Variants in PRKCE observed in about 807,000 individuals in gnomAD.
PRKCE encodes protein kinase C epsilon type.
In PRKCE, 16 loss-of-function variants were observed where a neutral mutation model predicts 85.4. That is an observed-to-expected ratio of 0.19 (90% CI 0.13 to 0.28). The LOEUF is 0.28. Among genes scored for constraint, PRKCE ranks in the 10% least tolerant of loss-of-function variants. PRKCE has a pLI of 1.00. For synonymous variants in PRKCE, 388 were observed against 371.5 expected, an observed-to-expected ratio of 1.04 and a Z score of -0.51; for missense variants, 573 against 975.2, an observed-to-expected ratio of 0.59 and a Z score of 5.49.
chr2:45,872,449 G>C (rs966311544), intron 2 of PRKCE, among the ~76,000 whole-genome samples: 6 of 152,186 alleles, frequency 3.9e-5, no homozygotes, highest in Non-Finnish European at 5.9e-5. Context: ...GTCGTAGGAG[G>C]GCTCTGTGCA....
At chr2:45,952,632 C>A (rs886862561) in intron 2 of PRKCE, among the ~76,000 whole-genome samples, 3 of 152,046 alleles carry the variant, frequency 2.0e-5, no homozygotes, top group African/African-American at 7.2e-5. Context: ...TTAGCATTTC[C>A]AAAAAATGTA....
chr2:45,662,284 A>G (rs544103403), intron 1 of PRKCE, among the ~76,000 whole-genome samples: 2 of 152,198 alleles, frequency 1.3e-5, no homozygotes, highest in Non-Finnish European at 2.9e-5. Flanking sequence ...CGTTGCTCTC[A>G]GAGAGCATAC....
At position 46,184,610 on chromosome 2, in the gene PRKCE, G is replaced by A. The variant is rs1175561530; in HGVS notation, c.2068-125G>A. On this transcript the variant is annotated intron_variant, in intron 14 of 14. Transcript: ENST00000306156. The surrounding 1 kb of genome is among the most constrained non-coding windows in gnomAD (Gnocchi z 5.0). Reference sequence around the variant, plus strand: ...ACCTCATCGGGACAGCCCCGTGTCTGCTGTCTGTTGGTAGCTAGAGGCCTG... The same window carrying A: ...ACCTCATCGGGACAGCCCCGTGTCTACTGTCTGTTGGTAGCTAGAGGCCTG... The A allele has an allele frequency of 1.6e-6, 2 of 1,237,512 alleles. No homozygotes were observed. The highest frequency in any genetic ancestry group is 2.2e-6 in the Non-Finnish European group (2 of 889,552). The allele number at this position is 1,237,512 out of a possible 1,614,324, so 76.7% of individuals were successfully genotyped here.
At chr2:46,173,064 C>A (rs1157717232) in intron 14 of PRKCE, among the ~76,000 whole-genome samples, 1 of 152,224 alleles carries the variant, frequency 6.6e-6, no homozygotes, top group African/African-American at 2.4e-5. Context: ...AACCCTGAAG[C>A]CATCCTTTGA....
At chr2:45,917,346 C>T (rs1697876714) in intron 2 of PRKCE, among the ~76,000 whole-genome samples, 1 of 152,082 alleles carries the variant, frequency 6.6e-6, no homozygotes, top group Admixed American at 6.5e-5. Context: ...GTTTACAAAC[C>T]TTGAGCTAGA....
chr2:45,777,106 T>A (rs1196329037), intron 1 of PRKCE, among the ~76,000 whole-genome samples: 4 of 152,120 alleles, frequency 2.6e-5, no homozygotes, highest in Non-Finnish European at 5.9e-5. Context: ...CAGTCCACAA[T>A]TAATAATTCA....
intron 2 of PRKCE, among the ~76,000 whole-genome samples, chr2:45,914,166 G>A (rs1050292209): frequency 6.6e-6 from 1 of 152,202 alleles, no homozygotes; most frequent in African/African-American, 2.4e-5. Flanking sequence ...TATCATGCTA[G>A]GTGCTATGAA....
intron 2 of PRKCE, among the ~76,000 whole-genome samples, chr2:45,973,230 C>T (rs1702221526): frequency 6.6e-6 from 1 of 152,134 alleles, no homozygotes; most frequent in Non-Finnish European, 1.5e-5. Context: ...CTAGTAGCTC[C>T]CCTTTTCACA....
chr2:45,919,676 C>A (rs1698105974), intron 2 of PRKCE, among the ~76,000 whole-genome samples: 1 of 152,250 alleles, frequency 6.6e-6, no homozygotes, highest in African/African-American at 2.4e-5. Flanking sequence ...GGATCATTGT[C>A]ATGAATTCCC....
chr2:45,973,353 A>G (rs1280857491), intron 2 of PRKCE, among the ~76,000 whole-genome samples: 1 of 152,228 alleles, frequency 6.6e-6, no homozygotes, highest in South Asian at 2.1e-4. Flanking sequence ...TTCAGCAGCC[A>G]CAGGCTCCAA....
chr2:46,030,742 C>T (rs963218584), intron 10 of PRKCE, among the ~76,000 whole-genome samples: 7 of 152,220 alleles, frequency 4.6e-5, no homozygotes, highest in Non-Finnish European at 1.0e-4. Flanking sequence ...TTCGCTTAAA[C>T]GACTTTTCCC....
At chr2:45,776,699 C>T (rs148766522) in intron 1 of PRKCE, among the ~76,000 whole-genome samples, 1 of 152,216 alleles carries the variant, frequency 6.6e-6, no homozygotes, top group Non-Finnish European at 1.5e-5. Context: ...TGCTTCTCCC[C>T]CTCCCTCCAC....
rs1344324756 is a variant in PRKCE at position 46,145,208 on chromosome 2, ACT to A, written c.1710_1711del (p.Pro571Ter). On this transcript the variant is annotated frameshift_variant, in exon 12 of 15. Transcript: ENST00000306156. LOFTEE classifies it high-confidence loss of function. This position sits in a 1 kb window ranked among gnomAD's most constrained non-coding sequence, Gnocchi z 4.6. ...TGTGACGACCACCACGTTCTGTGGG[ACT>A]CCTGACTACATAGCTCCTGAGGTAA... ...NGVTTTTFCG[T>X]PDYIAPEILQ... is the part of the protein sequence containing the mutation. The A allele has an allele frequency of 6.3e-7, 1 of 1,599,562 alleles. No individual in the cohort carries two copies. Among genetic ancestry groups the A allele is most frequent in the Non-Finnish European group, 8.5e-7 (1 of 1,179,936 alleles).
At chr2:46,011,054 C>G (rs1342450452) in intron 10 of PRKCE, 1 of 789,866 alleles carries the variant, frequency 1.3e-6, no homozygotes, top group African/African-American at 1.7e-5. Flanking sequence ...AGTAAAGAAA[C>G]AAAGATAATC....
At chr2:46,167,780 C>A (rs1364529242) in intron 14 of PRKCE, 1 of 142,516 alleles carries the variant, frequency 7.0e-6, no homozygotes, top group East Asian at 2.3e-4. Context: ...TACTCTGTGA[C>A]CATGCTTACC....
At chr2:45,877,437 T>C (rs530167926) in intron 2 of PRKCE, among the ~76,000 whole-genome samples, 1 of 152,288 alleles carries the variant, frequency 6.6e-6, no homozygotes, top group South Asian at 2.1e-4. Context: ...ACGTTTTCTA[T>C]CTTCTCCTGT....
rs180870052 is a variant in PRKCE, at chr2:46,158,238, A to G, written c.1921-1368A>G. On this transcript the variant is annotated intron_variant, in intron 13 of 14. Coordinates refer to ENST00000306156, the MANE Select transcript of PRKCE (RefSeq NM_005400.3). Reference sequence around the variant, plus strand: ...AGGAGGGAATGTGGGGAGGCTTCACAGAGGAGGTAGCATTTTGACTAGTTC... The same window carrying G: ...AGGAGGGAATGTGGGGAGGCTTCACGGAGGAGGTAGCATTTTGACTAGTTC... 1.5e-3 allele frequency among the ~76,000 whole-genome samples: 222 copies of G among 152,364 alleles called. 1 individual carries two copies. Among genetic ancestry groups the G allele is most frequent in the African/African-American group, 5.1e-3 (212 of 41,584 alleles).
At chr2:45,876,038 C>G (rs1305911195) in intron 2 of PRKCE, among the ~76,000 whole-genome samples, 2 of 152,186 alleles carry the variant, frequency 1.3e-5, no homozygotes, top group Non-Finnish European at 2.9e-5. Context: ...ACATCAGCTT[C>G]CCAGATTTTG....
chr2:45,830,387 G>A (rs1467238137), intron 1 of PRKCE, among the ~76,000 whole-genome samples: 2 of 152,050 alleles, frequency 1.3e-5, no homozygotes, highest in Admixed American at 6.5e-5. Flanking sequence ...GGCATTTCTG[G>A]AAACTCAAGA....
Sources: gnomAD v4.1 joint callset for allele counts (sites outside exome capture counted in the v4.1 genomes callset) on GRCh38, gnomAD v4.1.1 for gene constraint, Gnocchi (gnomAD v3.1) non-coding constraint, MANE v1.5 for transcripts, NCBI Gene and HGNC (gene_info 2026-07-23, HGNC 2026-07-21) for gene names.